KCNK9: variants seen among roughly 807,000 people sequenced by gnomAD.
The protein encoded by KCNK9 is potassium channel subfamily K member 9.
Under a neutral mutation model 10.8 loss-of-function variants are expected in KCNK9, and 1 was observed. That is an observed-to-expected ratio of 0.09 (90% CI 0.03 to 0.44). KCNK9 has a LOEUF of 0.44. Ranked by LOEUF, KCNK9 falls within the 20% of genes least tolerant of loss-of-function variation. The pLI, the probability that KCNK9 is intolerant of heterozygous loss-of-function variation, is 0.97. For missense variants in KCNK9, 303 were observed against 515.0 expected, an observed-to-expected ratio of 0.59 and a Z score of 3.98; for synonymous variants, 231 against 222.7, an observed-to-expected ratio of 1.04 and a Z score of -0.33.
chr8:139,700,697 A>G (rs561075987), intron 1 of KCNK9, among the ~76,000 whole-genome samples: 1 of 152,188 alleles, frequency 6.6e-6, no homozygotes, highest in East Asian at 1.9e-4. Context: ...GGCGAAGCCG[A>G]CACCCTCCAT....
chr8:139,630,286 G>A (rs1039637759), intron 1 of KCNK9, among the ~76,000 whole-genome samples: 4 of 152,278 alleles, frequency 2.6e-5, no homozygotes, highest in Admixed American at 1.3e-4. Context: ...AGCCTCAGAG[G>A]ATAAGGAAGT....
At chr8:139,688,164 A>T (rs1340905223) in intron 1 of KCNK9, among the ~76,000 whole-genome samples, 1 of 152,150 alleles carries the variant, frequency 6.6e-6, no homozygotes, top group African/African-American at 2.4e-5. Context: ...CCCTACAAAT[A>T]AGGATGCTGA....
At chr8:139,692,472 A>G (rs891413938) in intron 1 of KCNK9, among the ~76,000 whole-genome samples, 29 of 152,144 alleles carry the variant, frequency 1.9e-4, no homozygotes, top group Non-Finnish European at 8.8e-5. Flanking sequence ...TTCCCATAGT[A>G]TGAGAGCTAT....
At chr8:139,621,290 CAAAA>C (rs60686948) in intron 1 of KCNK9, among the ~76,000 whole-genome samples, 1 of 110,798 alleles carries the variant, frequency 9.0e-6, no homozygotes. Context: ...GACTCCATCT[CAAAA>C]AAAAAAAAAA....
At chr8:139,681,051 G>A (rs968038591) in intron 1 of KCNK9, among the ~76,000 whole-genome samples, 1 of 152,184 alleles carries the variant, frequency 6.6e-6, no homozygotes, top group Non-Finnish European at 1.5e-5. Flanking sequence ...CTCTAGCACA[G>A]CATCTAGCAT....
downstream of KCNK9, among the ~76,000 whole-genome samples, chr8:139,611,186 A>G (rs1003293655): frequency 4.6e-5 from 7 of 152,218 alleles, no homozygotes; most frequent in Admixed American, 4.6e-4. Flanking sequence ...GTATAAGAAC[A>G]CTGTCAGGGT....
intron 1 of KCNK9, among the ~76,000 whole-genome samples, chr8:139,643,404 C>T (rs958425131): frequency 1.3e-5 from 2 of 152,242 alleles, no homozygotes; most frequent in African/African-American, 2.4e-5. Context: ...CCTCCCTCTC[C>T]CTTCAGGACT....
Position 139,618,437 on chromosome 8 carries a change from T to A in KCNK9, c.946A>T (p.Asn316Tyr). 1 of 1,614,072 alleles carries A rather than the reference T, an allele frequency of 6.2e-7. No individual in the cohort carries two copies. The highest frequency in any genetic ancestry group is 8.5e-7 in the Non-Finnish European group (1 of 1,180,006). Residue 316 changes from asparagine (N) to tyrosine (Y), a missense_variant, in exon 2 of 2, where the codon AAC becomes TAC. Coordinates refer to ENST00000520439, the MANE Select transcript of KCNK9 (RefSeq NM_001282534.2). This position sits in a 1 kb window ranked among gnomAD's most constrained non-coding sequence, Gnocchi z 7.9. ...DYGGRSVAPQNSFSAKLAPHY... is the reference protein window; with the variant it reads ...DYGGRSVAPQYSFSAKLAPHY... Reference sequence around the variant, plus strand: ...GGGGCAAGCTTGGCGCTGAAGGAGTTCTGCGGTGCCACCGAGCGGCCGCCA... The same window carrying A: ...GGGGCAAGCTTGGCGCTGAAGGAGTACTGCGGTGCCACCGAGCGGCCGCCA...
Position 139,647,089 on chromosome 8 carries a change from C to T in KCNK9, c.284-27990G>A, listed in dbSNP as rs73724494. ...CCTCTGTTGGCGGCAGGGGGCTCTGCAGGTCTGAGGCTGGAAGGCAGGAGC... is the reference window on the plus strand; with the variant it reads ...CCTCTGTTGGCGGCAGGGGGCTCTGTAGGTCTGAGGCTGGAAGGCAGGAGC... On this transcript the variant is annotated intron_variant, in intron 1 of 1. Transcript: ENST00000520439. Among the ~76,000 whole-genome samples, 1,343 of 152,334 alleles carry T rather than the reference C, an allele frequency of 8.8e-3. 17 individuals carry two copies. Among genetic ancestry groups the T allele is most frequent in the African/African-American group, 0.031 (1,302 of 41,576 alleles).
chr8:139,614,142 T>C (rs1340123007), downstream of KCNK9, among the ~76,000 whole-genome samples: 1 of 152,130 alleles, frequency 6.6e-6, no homozygotes, highest in East Asian at 1.9e-4. Context: ...CTGCAAGTGA[T>C]TGTCAGTGAG....
intron 1 of KCNK9, among the ~76,000 whole-genome samples, chr8:139,700,282 G>A (rs1170531610): frequency 2.6e-5 from 4 of 152,154 alleles, no homozygotes; most frequent in Non-Finnish European, 5.9e-5. Flanking sequence ...GACCTTAAAA[G>A]TCAGCCTGTC....
chr8:139,610,516 A>G (rs1814388757), downstream of KCNK9, among the ~76,000 whole-genome samples: 1 of 152,246 alleles, frequency 6.6e-6, no homozygotes. Flanking sequence ...AGGATGCTTA[A>G]GTGAAAGACC....
At position 139,618,830 on chromosome 8, in the gene KCNK9, T is replaced by C. The variant is rs1397237782; in HGVS notation, c.553A>G (p.Ser185Gly). 6.2e-7 allele frequency: 1 copy of C among 1,614,010 alleles called. No homozygotes were observed. Among genetic ancestry groups the C allele is most frequent in the Non-Finnish European group, 8.5e-7 (1 of 1,180,030 alleles). ...AAAFSQCEEW[S>G]FFHAYYYCFI... is the part of the protein sequence containing the mutation. ...CAGTAGTAGTAGGCGTGGAAGAAGC[T>C]CCACTCCTCACACTGGGAGAAGGCG... The change falls in exon 2 of 2, where the codon AGC becomes GGC. Residue 185 changes from serine to glycine, a missense_variant. Ser to Gly is a moderately conservative substitution (Grantham distance 56). Coordinates refer to ENST00000520439, the MANE Select transcript of KCNK9 (RefSeq NM_001282534.2). The surrounding 1 kb of genome is among the most constrained non-coding windows in gnomAD (Gnocchi z 7.9).
At chr8:139,601,635 T>C (rs967175363) in intron 2 of KCNK9, 1 of 152,184 alleles carries the variant, frequency 6.6e-6, no homozygotes, top group Non-Finnish European at 1.5e-5. Context: ...GAATTGAAAG[T>C]GAAAATCACA....
At chr8:139,675,261 C>T (rs1208010480) in intron 1 of KCNK9, among the ~76,000 whole-genome samples, 2 of 152,236 alleles carry the variant, frequency 1.3e-5, no homozygotes, top group Non-Finnish European at 2.9e-5. Context: ...CATCCCAGCA[C>T]CTCTTTGCTC....
intron 1 of KCNK9, among the ~76,000 whole-genome samples, chr8:139,668,938 C>T (rs938661813): frequency 1.3e-5 from 2 of 152,206 alleles, no homozygotes; most frequent in African/African-American, 2.4e-5. Context: ...GGAGACAATG[C>T]AGTTTCGGTC....
rs1675434 is a variant in KCNK9 at position 139,700,530 on chromosome 8, A to G, written c.283+2180T>C. Among the ~76,000 whole-genome samples, 321 of 124,386 alleles carry G rather than the reference A, an allele frequency of 2.6e-3. 4 individuals are homozygous for G. Among genetic ancestry groups the G allele is most frequent in the African/African-American group, 9.7e-3 (293 of 30,290 alleles). The allele number at this position is 124,386 out of a possible 152,430, so 81.6% of individuals were successfully genotyped here. On this transcript the variant is annotated intron_variant, in intron 1 of 1. Coordinates refer to ENST00000520439, the MANE Select transcript of KCNK9 (RefSeq NM_001282534.2). ...CACACGCGCGCGCGCGCACACACACACACACACACGCGCGCACACACACAC... is the reference window on the plus strand; with the variant it reads ...CACACGCGCGCGCGCGCACACACACGCACACACACGCGCGCACACACACAC...
downstream of KCNK9, among the ~76,000 whole-genome samples, chr8:139,610,666 G>A (rs1439924786): frequency 6.6e-6 from 1 of 152,178 alleles, no homozygotes; most frequent in South Asian, 2.1e-4. Flanking sequence ...TTTATTATGG[G>A]GGGAGGACCC....
chr8:139,623,836 A>C (rs772048062), intron 1 of KCNK9, among the ~76,000 whole-genome samples: 7 of 152,210 alleles, frequency 4.6e-5, no homozygotes, highest in Non-Finnish European at 8.8e-5. Context: ...CAGGAGGGAC[A>C]CACAGGGCAC....
Sources: allele counts gnomAD v4.1 joint callset (sites outside exome capture counted in the v4.1 genomes callset), GRCh38; gene constraint gnomAD v4.1.1; non-coding constraint Gnocchi (gnomAD v3.1); transcripts MANE v1.5; gene names NCBI Gene and HGNC (gene_info 2026-07-23, HGNC 2026-07-21).